The following ESPN variants were observed in gnomAD, a reference collection of about 807,000 sequenced individuals.
ESPN encodes autosomal recessive deafness type 36 protein.
A neutral mutation model predicts 77.7 loss-of-function variants in ESPN; 68 were observed. That is an observed-to-expected ratio of 0.87 (90% CI 0.72 to 1.07). The LOEUF (loss-of-function observed/expected upper bound fraction) is 1.07. Ranked by LOEUF, ESPN falls within the 50% of genes least tolerant of loss-of-function variation. ESPN has a pLI of 0.00. For synonymous variants in ESPN, 449 were observed against 567.1 expected (o/e 0.79, Z 2.96); for missense variants, 1,060 against 1,239.0 (o/e 0.86, Z 2.17).
intron 10 of ESPN, among the ~76,000 whole-genome samples, chr1:6,453,705 T>C (rs1275367780): frequency 1.3e-5 from 2 of 152,120 alleles, no homozygotes; most frequent in Non-Finnish European, 2.9e-5. Flanking sequence ...CGGGGAGTGT[T>C]AAGCAGGGAA....
chr1:6,459,899 G>C, intron 12 of ESPN, 100 bp from the exon 13 acceptor site: 1 of 1,491,200 alleles, frequency 6.7e-7, no homozygotes, highest in Non-Finnish European at 9.3e-7. Context: ...CCTTGCATGG[G>C]TGACCTGGCC....
chr1:6,438,366 T>C (rs750204149), intron 2 of ESPN, among the ~76,000 whole-genome samples: 3 of 152,242 alleles, frequency 2.0e-5, no homozygotes, highest in Non-Finnish European at 2.9e-5. Context: ...CTGCAAGCAC[T>C]TCTCAGGCAC....
intron 2 of ESPN, among the ~76,000 whole-genome samples, chr1:6,438,144 G>T (rs1445502829): frequency 6.6e-6 from 1 of 152,178 alleles, no homozygotes; most frequent in Non-Finnish European, 1.5e-5. Context: ...GAACCCAATA[G>T]GTCGCGGCCC....
At position 6,440,356 on chromosome 1, in the gene ESPN, A is replaced by G. The variant is rs182722572; in HGVS notation, c.591A>G (p.Ala197=). 1 of 1,585,902 alleles carries G rather than the reference A, an allele frequency of 6.3e-7. No individual in the cohort carries two copies. The highest frequency in any genetic ancestry group is 8.6e-7 in the Non-Finnish European group (1 of 1,166,698). The change falls in exon 3 of 13, where the codon GCA becomes GCG. Residue 197 remains alanine (A), a synonymous_variant. Transcript: ENST00000645284. ...VTQYLVQECG[A]DPHARAHDGM... Reference sequence around the variant, plus strand: ...AGTACCTGGTGCAGGAATGCGGCGCAGACCCGCACGCGCGCGCCCACGACG... The same window carrying G: ...AGTACCTGGTGCAGGAATGCGGCGCGGACCCGCACGCGCGCGCCCACGACG...
intron 2 of ESPN, among the ~76,000 whole-genome samples, chr1:6,431,821 C>G (rs1352890189): frequency 1.3e-5 from 2 of 152,134 alleles, no homozygotes; most frequent in Non-Finnish European, 2.9e-5. Context: ...TGGACTCATT[C>G]AACTAATGTT....
At chr1:6,441,161 G>A in intron 5 of ESPN, 96 bp downstream of exon 5, 1 of 1,523,692 alleles carries the variant, frequency 6.6e-7, no homozygotes, top group Non-Finnish European at 8.9e-7. Flanking sequence ...AGGAAGCTGA[G>A]GTTCAGGGAC....
chr1:6,457,060 TGTCAC>T, intron 10 of ESPN, 119 bp from the exon 11 acceptor site: 1 of 977,382 alleles, frequency 1.0e-6, no homozygotes, highest in Admixed American at 2.0e-5. Flanking sequence ...TCCATCCACT[TGTCAC>T]ACAGATGTGC....
At position 6,460,221 on chromosome 1, in the gene ESPN, G is replaced by C; in HGVS notation, c.*75G>C. On this transcript the variant is annotated 3_prime_UTR_variant, in exon 13 of 13. Coordinates refer to ENST00000645284, the MANE Select transcript of ESPN (RefSeq NM_031475.3). The stretch of plus-strand genomic sequence containing the variant: ...CCCAGCCCCAGCCAGCCAGGCCCTG[G>C]TGGAAAGGCTGGGAGCCGCACAGCC... The C allele has an allele frequency of 1.5e-5, 23 of 1,566,250 alleles. No individual in the cohort carries two copies. Among genetic ancestry groups the C allele is most frequent in the Non-Finnish European group, 1.9e-5 (22 of 1,150,768 alleles).
intron 2 of ESPN, among the ~76,000 whole-genome samples, chr1:6,431,377 G>A (rs1643239322): frequency 6.6e-6 from 1 of 152,182 alleles, no homozygotes; most frequent in Admixed American, 6.5e-5. Flanking sequence ...GGGAGGCCGA[G>A]GCAGGTGGAT....
At chr1:6,434,494 T>C (rs1430016926) in intron 2 of ESPN, among the ~76,000 whole-genome samples, 1 of 152,190 alleles carries the variant, frequency 6.6e-6, no homozygotes, top group Non-Finnish European at 1.5e-5. Context: ...TTGTCCACTC[T>C]GCCTATAGCT....
At position 6,459,982 on chromosome 1, in the gene ESPN, C is replaced by T. The variant is rs568212325; in HGVS notation, c.2418-17C>T. ...CCCCAGACTTCACCGGGTCTGCCCC[C>T]CTCCCCACTGCCTCAGGAAAGAGGA... On this transcript the variant is annotated splice_polypyrimidine_tract_variant and intron_variant, in intron 12 of 12. Coordinates refer to ENST00000645284, the MANE Select transcript of ESPN (RefSeq NM_031475.3). 1 of 1,613,256 alleles carries T rather than the reference C, an allele frequency of 6.2e-7. No homozygotes were observed. The highest frequency in any genetic ancestry group is 8.5e-7 in the Non-Finnish European group (1 of 1,179,972).
Position 6,425,165 on chromosome 1 carries a change from C to A in ESPN, c.210C>A (p.Gly70=). The change falls in exon 1 of 13, where the codon GGC becomes GGA. Residue 70 remains glycine (G), a synonymous_variant. Coordinates refer to ENST00000645284, the MANE Select transcript of ESPN (RefSeq NM_031475.3). ...ALPAAARARN[G]ATPAHDASAT... The stretch of plus-strand genomic sequence containing the variant: ...CCGCCGCGGCCCGCGCCCGCAACGG[C>A]GCCACACCGGCCCACGACGCCTCCG... The A allele has an allele frequency of 2.0e-6, 3 of 1,530,074 alleles. No homozygotes were observed. Among genetic ancestry groups the A allele is most frequent in the Admixed American group, 3.9e-5 (2 of 51,196 alleles). 94.8% of individuals were successfully genotyped at this position (1,530,074 alleles called of 1,614,324 possible). A position where few individuals can be genotyped will look rare whatever the true frequency, so the allele number is the denominator to read the frequency against.
rs750548471 is a variant in ESPN at position 6,440,353 on chromosome 1, C to T, written c.588C>T (p.Gly196=). The T allele has an allele frequency of 2.5e-5, 39 of 1,584,756 alleles. No individual in the cohort carries two copies. The highest frequency in any genetic ancestry group is 1.4e-4 in the South Asian group (12 of 87,616). Residue 196 remains glycine, a synonymous_variant, in exon 3 of 13, where the codon GGC becomes GGT. Coordinates refer to ENST00000645284, the MANE Select transcript of ESPN (RefSeq NM_031475.3). ...CCCAGTACCTGGTGCAGGAATGCGGCGCAGACCCGCACGCGCGCGCCCACG... is the reference window on the plus strand; with the variant it reads ...CCCAGTACCTGGTGCAGGAATGCGGTGCAGACCCGCACGCGCGCGCCCACG... ...EVTQYLVQEC[G]ADPHARAHDG...
At position 6,429,190 on chromosome 1, in the gene ESPN, G is replaced by C. The variant is rs1435732846; in HGVS notation, c.488+771G>C. Among the ~76,000 whole-genome samples, 5 of 152,092 alleles carry C rather than the reference G, an allele frequency of 3.3e-5. No homozygotes were observed. In the East Asian group the frequency reaches 9.7e-4, roughly 30 times the overall value. On this transcript the variant is annotated intron_variant, in intron 2 of 12. Coordinates refer to ENST00000645284, the MANE Select transcript of ESPN (RefSeq NM_031475.3). ...TGCCCAGGGCCTGTCTGAGAGGGTA[G>C]GGTGCCAGATGCCACAGGGGTCTGA...
intron 12 of ESPN, among the ~76,000 whole-genome samples, chr1:6,458,575 C>CT (rs544328815): frequency 1.4e-3 from 213 of 152,058 alleles, no homozygotes; most frequent in African/African-American, 4.7e-3. Flanking sequence ...CTCAGCCTCC[C>CT]AAAGTGCTGG....
chr1:6,432,426 T>C (rs553558704), intron 2 of ESPN, among the ~76,000 whole-genome samples: 244 of 152,266 alleles, frequency 1.6e-3, no homozygotes, highest in Non-Finnish European at 2.2e-3. Flanking sequence ...GTGGCTGCTG[T>C]CCTTGACCCC....
intron 2 of ESPN, among the ~76,000 whole-genome samples, chr1:6,433,463 CG>C (rs1643324318): frequency 1.3e-5 from 2 of 150,798 alleles, no homozygotes; most frequent in Admixed American, 6.6e-5. Flanking sequence ...AAAAGTTAGC[CG>C]GGTGTGGTGG....
chr1:6,443,707 G>A (rs555991507), intron 5 of ESPN, among the ~76,000 whole-genome samples: 27 of 152,346 alleles, frequency 1.8e-4, no homozygotes, highest in Middle Eastern at 3.4e-3. Flanking sequence ...CCGCTGAGCC[G>A]TTACCTGGTG....
At position 6,444,924 on chromosome 1, in the gene ESPN, C is replaced by T. The variant is rs559182398; in HGVS notation, c.1192+242C>T. 3.3e-5 allele frequency among the ~76,000 whole-genome samples: 5 copies of T among 152,306 alleles called. No individual in the cohort carries two copies. In the East Asian group the frequency reaches 7.7e-4, roughly 23 times the overall value. On this transcript the variant is annotated intron_variant, in intron 6 of 12. Coordinates refer to ENST00000645284, the MANE Select transcript of ESPN (RefSeq NM_031475.3). ...GTACTCTCCCCACCCACAAAGTCCA[C>T]GTGTGTCGCCCACCATTCATTATTC... is the stretch of plus-strand genomic sequence containing the variant.
Sources: allele counts gnomAD v4.1 joint callset (sites outside exome capture counted in the v4.1 genomes callset), GRCh38; gene constraint gnomAD v4.1.1; transcripts MANE v1.5; gene names NCBI Gene and HGNC (gene_info 2026-07-23, HGNC 2026-07-21).